SLC2A9: variants seen among roughly 807,000 people sequenced by gnomAD.
SLC2A9 encodes the protein solute carrier family 2, facilitated glucose transporter member 9.
In SLC2A9, 39 loss-of-function variants were observed where a neutral mutation model predicts 50.6. That is an observed-to-expected ratio of 0.77 (90% CI 0.60 to 1.01). SLC2A9 has a LOEUF of 1.01. Among genes scored for constraint, SLC2A9 ranks in the 50% least tolerant of loss-of-function variants. SLC2A9 has a pLI of 0.00. For synonymous variants in SLC2A9, 324 were observed against 276.9 expected (o/e 1.17, Z -1.69); for missense variants, 686 against 677.6 (o/e 1.01, Z -0.14).
Position 9,915,287 on chromosome 4 carries a change from G to A in SLC2A9, c.1002+5098C>T, listed in dbSNP as rs1031895535. Among the ~76,000 whole-genome samples the A allele has an allele frequency of 3.9e-5, 6 of 152,240 alleles. 1 individual carries two copies. Among genetic ancestry groups the A allele is most frequent in the African/African-American group, 1.4e-4 (6 of 41,466 alleles). On this transcript the variant is annotated intron_variant, in intron 7 of 11. Transcript: ENST00000264784. ...AGTTTCGCTCTTGTTGCCCAGGCTG[G>A]AGTGCAATGGTGCGATCTCAGCTCA...
intron 5 of SLC2A9, among the ~76,000 whole-genome samples, chr4:9,968,052 A>C (rs1304271354): frequency 6.6e-6 from 1 of 152,180 alleles, no homozygotes; most frequent in Non-Finnish European, 1.5e-5. Flanking sequence ...AGTTTTCTTG[A>C]AGTAATGATC....
At chr4:9,928,469 C>T (rs971613502) in intron 6 of SLC2A9, among the ~76,000 whole-genome samples, 10 of 152,220 alleles carry the variant, frequency 6.6e-5, no homozygotes, top group Non-Finnish European at 7.3e-5. Context: ...CAGTGGCTTT[C>T]GCCTGTAATC....
At chr4:9,811,463 C>A (rs536056491) in intron 3 of SLC2A9, among the ~76,000 whole-genome samples, 1 of 152,268 alleles carries the variant, frequency 6.6e-6, no homozygotes, top group East Asian at 1.9e-4. Context: ...AGGCTGGGGC[C>A]TTTTGGAGAT....
At chr4:9,969,869 C>T (rs1753614502) in intron 5 of SLC2A9, among the ~76,000 whole-genome samples, 2 of 152,306 alleles carry the variant, frequency 1.3e-5, no homozygotes, top group South Asian at 4.1e-4. Flanking sequence ...ATTATGGGAG[C>T]TACAATTCAA....
chr4:10,022,482 A>T (rs73805491), upstream of SLC2A9, among the ~76,000 whole-genome samples: 1,833 of 152,340 alleles, frequency 0.012, 23 homozygotes, highest in African/African-American at 0.041. Context: ...GGCCTCATGC[A>T]CACCAGGAGG....
chr4:9,799,781 G>T (rs1343555709), intron 3 of SLC2A9, among the ~76,000 whole-genome samples: 1 of 143,844 alleles, frequency 7.0e-6, no homozygotes, highest in Non-Finnish European at 1.5e-5. Context: ...TGGTGTTATG[G>T]TACCAGGAGT....
At chr4:9,905,395 G>C (rs1178852434) in intron 8 of SLC2A9, among the ~76,000 whole-genome samples, 1 of 152,240 alleles carries the variant, frequency 6.6e-6, no homozygotes, top group African/African-American at 2.4e-5. Flanking sequence ...GGGAGGAGCT[G>C]GCAAGAGCTT....
At chr4:9,846,253 C>T (rs895063212) in intron 10 of SLC2A9, among the ~76,000 whole-genome samples, 2 of 152,240 alleles carry the variant, frequency 1.3e-5, no homozygotes, top group African/African-American at 4.8e-5. Flanking sequence ...TCCATGACAA[C>T]AGCCAAGATA....
chr4:9,943,251 G>A (rs1375738068), intron 5 of SLC2A9, among the ~76,000 whole-genome samples: 1 of 152,210 alleles, frequency 6.6e-6, no homozygotes, highest in African/African-American at 2.4e-5. Context: ...GGCCTGCCAG[G>A]GGCACACAGC....
chr4:9,901,173 G>A (rs1479845196), intron 8 of SLC2A9, among the ~76,000 whole-genome samples: 1 of 152,134 alleles, frequency 6.6e-6, no homozygotes, highest in Non-Finnish European at 1.5e-5. Context: ...GGGAGCCAAG[G>A]GGAAAATCTA....
At position 9,782,098 on chromosome 4, in the gene SLC2A9, G is replaced by C. The variant is rs753644106; in HGVS notation, n.386-2033C>G. 13 of 1,533,310 alleles carry C rather than the reference G, an allele frequency of 8.5e-6. No individual in the cohort carries two copies. The East Asian group carries it at 3.0e-4, about 35-fold the overall frequency. The allele number at this position is 1,533,310 out of a possible 1,614,324, so 95.0% of individuals were successfully genotyped here. A position where few individuals can be genotyped will look rare whatever the true frequency, so the allele number is the denominator to read the frequency against. The stretch of plus-strand genomic sequence containing the variant: ...TCGCTCTATACCAGCAGCTGGCGCA[G>C]GGGAACGCCGTGGGGGGCTCGGCGG... On this transcript the variant is annotated intron_variant and non_coding_transcript_variant, in intron 3 of 3. Transcript: ENST00000503803.
At chr4:9,925,931 G>C (rs1744812707) in intron 6 of SLC2A9, among the ~76,000 whole-genome samples, 1 of 152,144 alleles carries the variant, frequency 6.6e-6, no homozygotes, top group Admixed American at 6.5e-5. Flanking sequence ...GGCTCCCCAT[G>C]GTCCTCAGAC....
At chr4:9,952,292 G>A (rs755955871) in intron 5 of SLC2A9, among the ~76,000 whole-genome samples, 6 of 152,122 alleles carry the variant, frequency 3.9e-5, no homozygotes, top group Non-Finnish European at 7.4e-5. Flanking sequence ...TGGGTTATGG[G>A]GTTGGATCCC....
At chr4:9,983,404 A>G (rs920693081) in intron 4 of SLC2A9, among the ~76,000 whole-genome samples, 7 of 152,248 alleles carry the variant, frequency 4.6e-5, no homozygotes, top group Admixed American at 4.6e-4. Context: ...GTGCTTGCAC[A>G]TTGTGCACAT....
At chr4:9,833,111 G>A (rs535785563) in intron 11 of SLC2A9, among the ~76,000 whole-genome samples, 3 of 152,296 alleles carry the variant, frequency 2.0e-5, no homozygotes, top group African/African-American at 7.2e-5. Context: ...GGCTCTGCTG[G>A]CTTTGAGCCA....
At chr4:9,920,325 C>T (rs1743685819) in intron 7 of SLC2A9, 60 bp downstream of exon 7, 7 of 1,593,356 alleles carry the variant, frequency 4.4e-6, no homozygotes, top group Non-Finnish European at 6.0e-6. Context: ...AAGCCCTGAA[C>T]CTCCCCACCC....
intron 10 of SLC2A9, among the ~76,000 whole-genome samples, chr4:9,870,146 C>A (rs142562622): frequency 7.0e-4 from 106 of 152,356 alleles, no homozygotes; most frequent in East Asian, 6.4e-3. Context: ...TCTGCAGGGG[C>A]ACTGCATCCC....
chr4:9,936,871 ACC>A (rs1747182076), intron 6 of SLC2A9, among the ~76,000 whole-genome samples: 1 of 152,158 alleles, frequency 6.6e-6, no homozygotes, highest in African/African-American at 2.4e-5. Context: ...TTTTGAGAAA[ACC>A]AAAGAAGGTA....
intron 10 of SLC2A9, among the ~76,000 whole-genome samples, chr4:9,838,631 A>T (rs1436633255): frequency 1.3e-5 from 2 of 152,238 alleles, no homozygotes; most frequent in Non-Finnish European, 1.5e-5. Flanking sequence ...TAACCAAAAC[A>T]GCATGGTACT....
Sources: gnomAD v4.1 joint callset for allele counts (sites outside exome capture counted in the v4.1 genomes callset) on GRCh38, gnomAD v4.1.1 for gene constraint, MANE v1.5 for transcripts, NCBI Gene and HGNC (gene_info 2026-07-23, HGNC 2026-07-21) for gene names.